The following PDE10A variants were observed in gnomAD, a reference collection of about 807,000 sequenced individuals.
PDE10A encodes the protein cAMP and cAMP-inhibited cGMP 3',5'-cyclic phosphodiesterase 10A.
A neutral mutation model predicts 97.7 loss-of-function variants in PDE10A; 39 were observed. The observed-to-expected ratio is 0.40, with a 90% CI of 0.31 to 0.52. The LOEUF is 0.52. Among genes scored for constraint, PDE10A ranks in the 20% least tolerant of loss-of-function variants. The probability of loss-of-function intolerance (pLI) is 0.56; values close to 1 mark genes in which losing one functional copy is unlikely to be tolerated. For synonymous variants in PDE10A, 371 were observed against 376.8 expected (o/e 0.98, Z 0.18); for missense variants, 731 against 1,047.8 (o/e 0.70, Z 4.17).
chr6:165,925,610 C>CA (rs1782909408), intron 1 of PDE10A, among the ~76,000 whole-genome samples: 1 of 152,148 alleles, frequency 6.6e-6, no homozygotes, highest in South Asian at 2.1e-4. Context: ...GTACAGAAAG[C>CA]AAATCTCAAA....
chr6:165,571,481 C>T (rs1252628510), intron 1 of PDE10A, among the ~76,000 whole-genome samples: 2 of 152,150 alleles, frequency 1.3e-5, no homozygotes, highest in Non-Finnish European at 2.9e-5. Flanking sequence ...AAAATGTTAT[C>T]TGAGTAGTCA....
chr6:165,557,032 G>A (rs888341384), intron 1 of PDE10A, among the ~76,000 whole-genome samples: 31 of 152,034 alleles, frequency 2.0e-4, no homozygotes, highest in Admixed American at 4.6e-4. Flanking sequence ...CCAGCTACTC[G>A]GGAGGCTGAG....
At chr6:165,800,543 C>G (rs1378834537) in intron 1 of PDE10A, among the ~76,000 whole-genome samples, 2 of 152,150 alleles carry the variant, frequency 1.3e-5, no homozygotes, top group African/African-American at 4.8e-5. Context: ...TGAGGCTGAG[C>G]CTTTCCAGAA....
chr6:165,588,026 ATTAGCCT>A (rs1786017785), intron 1 of PDE10A, among the ~76,000 whole-genome samples: 1 of 152,214 alleles, frequency 6.6e-6, no homozygotes, highest in East Asian at 1.9e-4. Flanking sequence ...TTTAACCAGT[ATTAGCCT>A]TTGTATTTTC....
At chr6:165,710,251 C>T (rs185600725) in intron 1 of PDE10A, among the ~76,000 whole-genome samples, 1 of 152,136 alleles carries the variant, frequency 6.6e-6, no homozygotes, top group Non-Finnish European at 1.5e-5. Flanking sequence ...AATATGAACC[C>T]CTGGACACAA....
intron 1 of PDE10A, among the ~76,000 whole-genome samples, chr6:165,709,476 C>G (rs1314702799): frequency 7.4e-6 from 1 of 135,950 alleles, no homozygotes; most frequent in Non-Finnish European, 1.6e-5. Flanking sequence ...GCTCCCTCCA[C>G]TCTCCACCCC....
At chr6:165,335,576 T>C (rs1781595646) in intron 21 of PDE10A, among the ~76,000 whole-genome samples, 1 of 152,122 alleles carries the variant, frequency 6.6e-6, no homozygotes, top group Non-Finnish European at 1.5e-5. Flanking sequence ...ATGTCTCACT[T>C]AGCAGAATAA....
At chr6:165,916,299 C>T (rs896930884) in intron 1 of PDE10A, among the ~76,000 whole-genome samples, 2 of 152,202 alleles carry the variant, frequency 1.3e-5, no homozygotes, top group Non-Finnish European at 2.9e-5. Context: ...ATTCCAAGTT[C>T]GATTCCACAC....
At chr6:165,583,645 G>C (rs1785738751) in intron 1 of PDE10A, among the ~76,000 whole-genome samples, 1 of 152,176 alleles carries the variant, frequency 6.6e-6, no homozygotes, top group Non-Finnish European at 1.5e-5. Context: ...TCCTGAAGCA[G>C]CTGGCTTGAC....
chr6:165,356,706 C>T (rs576563895), intron 18 of PDE10A, among the ~76,000 whole-genome samples: 5 of 152,076 alleles, frequency 3.3e-5, no homozygotes, highest in Non-Finnish European at 2.9e-5. Flanking sequence ...GAACCATTTG[C>T]AGAAAAGACA....
At chr6:165,430,394 C>T (rs1167315760) in intron 8 of PDE10A, 49 bp from the exon 9 acceptor site, 1 of 1,184,486 alleles carries the variant, frequency 8.4e-7, no homozygotes, top group Non-Finnish European at 1.2e-6. Context: ...CTGCTTATTT[C>T]AAAATAAAAC....
chr6:165,958,754 A>AAAGAAAGAAAGAAAGAAAG (rs1784266480), intron 1 of PDE10A, among the ~76,000 whole-genome samples: 5 of 147,148 alleles, frequency 3.4e-5, no homozygotes, highest in Non-Finnish European at 7.5e-5. Context: ...AAAGAGAAAG[A>AAAGAAAGAAAGAAAGAAAG]AAGAAAGAAA....
intron 1 of PDE10A, among the ~76,000 whole-genome samples, chr6:165,677,537 TA>T (rs1011258533): frequency 4.6e-5 from 7 of 152,230 alleles, no homozygotes; most frequent in Non-Finnish European, 7.4e-5. Context: ...CATTATTTCC[TA>T]AAAAATGCAG....
intron 2 of PDE10A, among the ~76,000 whole-genome samples, chr6:165,525,601 A>T (rs1782392953): frequency 6.6e-6 from 1 of 152,154 alleles, no homozygotes; most frequent in South Asian, 2.1e-4. Context: ...TGAGGGCAGC[A>T]CCTGCATCTT....
At chr6:165,390,530 C>A (rs959517609) in intron 16 of PDE10A, among the ~76,000 whole-genome samples, 2 of 151,962 alleles carry the variant, frequency 1.3e-5, no homozygotes, top group East Asian at 3.9e-4. Flanking sequence ...TGGCAATGAT[C>A]CAGAAAAGAG....
At chr6:165,358,911 C>T (rs1251154616) in intron 18 of PDE10A, among the ~76,000 whole-genome samples, 1 of 151,006 alleles carries the variant, frequency 6.6e-6, no homozygotes, top group Admixed American at 6.6e-5. Flanking sequence ...ACTCTTTTTA[C>T]AGTTTCCCTG....
intron 1 of PDE10A, among the ~76,000 whole-genome samples, chr6:165,825,850 C>T (rs1203073251): frequency 2.0e-5 from 3 of 152,196 alleles, no homozygotes; most frequent in Non-Finnish European, 4.4e-5. Flanking sequence ...ACTTTCTTTC[C>T]ATCACTCCTT....
intron 1 of PDE10A, among the ~76,000 whole-genome samples, chr6:165,734,895 G>A (rs1250736087): frequency 6.6e-6 from 1 of 152,200 alleles, no homozygotes; most frequent in African/African-American, 2.4e-5. Flanking sequence ...CAGTATTAAT[G>A]TGTTCATTCG....
chr6:165,570,977 T>A (rs1785023206), intron 1 of PDE10A, among the ~76,000 whole-genome samples: 1 of 152,120 alleles, frequency 6.6e-6, no homozygotes, highest in Admixed American at 6.5e-5. Context: ...AGGATTGGGG[T>A]TACAAATCAA....
Sources: gnomAD v4.1 joint callset for allele counts (sites outside exome capture counted in the v4.1 genomes callset) on GRCh38, gnomAD v4.1.1 for gene constraint, MANE v1.5 for transcripts, NCBI Gene and HGNC (gene_info 2026-07-23, HGNC 2026-07-21) for gene names.